Variants in MAD1L1 observed in about 807,000 individuals in gnomAD.
MAD1L1 encodes mitotic arrest deficient 1 like 1, also known as mitotic spindle assembly checkpoint protein MAD1.
Under a neutral mutation model 96.9 loss-of-function variants are expected in MAD1L1, and 95 were observed. That is an observed-to-expected ratio of 0.98 (90% CI 0.83 to 1.16). The LOEUF is 1.16. Ranked by LOEUF, MAD1L1 falls within the 50% of genes most tolerant of loss-of-function variation. The pLI is 0.00. For synonymous variants in MAD1L1, 473 were observed against 396.6 expected (o/e 1.19, Z -2.29); for missense variants, 1,007 against 954.4 (o/e 1.06, Z -0.73).
intron 18 of MAD1L1, among the ~76,000 whole-genome samples, chr7:1,862,321 G>A (rs1043889785): frequency 1.3e-5 from 2 of 152,224 alleles, no homozygotes; most frequent in Non-Finnish European, 2.9e-5. Context: ...GGGTCCCCTG[G>A]GAGGCAGAAG....
rs537319174 is a variant in MAD1L1, at chr7:2,110,681, A to G, written c.1073+38471T>C. ...ATCAAATTTTTCTTGCTGAAGAGCCATCATTTCAGACTATTAAGATGCTTT... is the reference window on the plus strand; with the variant it reads ...ATCAAATTTTTCTTGCTGAAGAGCCGTCATTTCAGACTATTAAGATGCTTT... On this transcript the variant is annotated intron_variant, in intron 11 of 18. Coordinates refer to ENST00000265854, the MANE Select transcript of MAD1L1 (RefSeq NM_001013836.2). 1.3e-4 allele frequency among the ~76,000 whole-genome samples: 20 copies of G among 152,328 alleles called. No individual in the cohort carries two copies. In the South Asian group the frequency reaches 4.1e-3, roughly 32 times the overall value.
chr7:2,188,844 A>T (rs759300492), intron 10 of MAD1L1, among the ~76,000 whole-genome samples: 1 of 152,242 alleles, frequency 6.6e-6, no homozygotes. Context: ...AAATCTTGGT[A>T]AATTTTTAAA....
chr7:1,916,583 C>T (rs754839295), intron 17 of MAD1L1, among the ~76,000 whole-genome samples: 1 of 152,190 alleles, frequency 6.6e-6, no homozygotes, highest in African/African-American at 2.4e-5. Flanking sequence ...AAGGAAGGGA[C>T]TCGACTTAGC....
At chr7:1,910,230 G>C (rs1787928640) in intron 17 of MAD1L1, among the ~76,000 whole-genome samples, 1 of 152,150 alleles carries the variant, frequency 6.6e-6, no homozygotes. Flanking sequence ...TTCGGCAGCA[G>C]AGGCCCAGCG....
At chr7:1,853,961 A>G (rs2128642577) in intron 18 of MAD1L1, among the ~76,000 whole-genome samples, 1 of 152,290 alleles carries the variant, frequency 6.6e-6, no homozygotes, top group Non-Finnish European at 1.5e-5. Flanking sequence ...AGGCTAATAA[A>G]TGGCTTCTCC....
chr7:1,965,181 G>T (rs879942152), intron 15 of MAD1L1, among the ~76,000 whole-genome samples: 1 of 152,224 alleles, frequency 6.6e-6, no homozygotes, highest in Admixed American at 6.5e-5. Flanking sequence ...CTGGCGAGTG[G>T]GGTACGTAGG....
At chr7:1,856,774 C>T (rs374116383) in intron 18 of MAD1L1, among the ~76,000 whole-genome samples, 1 of 152,278 alleles carries the variant, frequency 6.6e-6, no homozygotes, top group East Asian at 1.9e-4. Flanking sequence ...CTCCACGTTC[C>T]ACACGTAACC....
chr7:1,977,203 G>C (rs112969053), intron 15 of MAD1L1, among the ~76,000 whole-genome samples: 1 of 152,252 alleles, frequency 6.6e-6, no homozygotes, highest in Non-Finnish European at 1.5e-5. Context: ...GGGAGCCCAC[G>C]GCTGGGGGTG....
chr7:2,095,163 C>T (rs1786419490), intron 11 of MAD1L1, among the ~76,000 whole-genome samples: 1 of 152,150 alleles, frequency 6.6e-6, no homozygotes, highest in African/African-American at 2.4e-5. Flanking sequence ...CTGCCTCAGC[C>T]TCCCAAGTAG....
At chr7:2,051,942 G>T (rs1279306654) in intron 12 of MAD1L1, among the ~76,000 whole-genome samples, 1 of 152,074 alleles carries the variant, frequency 6.6e-6, no homozygotes, top group Non-Finnish European at 1.5e-5. Flanking sequence ...CTTTTGTTAG[G>T]AGTACTCCAA....
chr7:1,893,729 C>T (rs918270737), intron 18 of MAD1L1, among the ~76,000 whole-genome samples: 2 of 152,218 alleles, frequency 1.3e-5, no homozygotes, highest in African/African-American at 4.8e-5. Flanking sequence ...ACCCAGACCA[C>T]ATTCCTCATG....
At chr7:1,894,432 G>A (rs962787450) in intron 18 of MAD1L1, among the ~76,000 whole-genome samples, 2 of 152,178 alleles carry the variant, frequency 1.3e-5, no homozygotes, top group African/African-American at 4.8e-5. Flanking sequence ...TGCACCGTGG[G>A]CTGGAGCTGA....
chr7:2,176,277 G>A (rs1216536827), intron 10 of MAD1L1, among the ~76,000 whole-genome samples: 1 of 152,184 alleles, frequency 6.6e-6, no homozygotes, highest in Non-Finnish European at 1.5e-5. Context: ...GAACCTGGGA[G>A]GCAGAGGTTT....
chr7:2,214,284 A>G (rs1026239215), intron 9 of MAD1L1, among the ~76,000 whole-genome samples: 2 of 152,026 alleles, frequency 1.3e-5, no homozygotes, highest in African/African-American at 4.8e-5. Context: ...AATAAATTAC[A>G]CCGCGGGAGA....
At chr7:1,897,078 C>T (rs1001949562) in intron 18 of MAD1L1, among the ~76,000 whole-genome samples, 2 of 152,182 alleles carry the variant, frequency 1.3e-5, no homozygotes, top group Non-Finnish European at 2.9e-5. Context: ...CCACAAGGAA[C>T]GCAGAGCAAG....
rs548212671 is a variant in MAD1L1, at chr7:2,103,146, G to A, written c.1074-33808C>T. ...GCTTGCTGCTGCCTCTGCCTGGAAC[G>A]GGCTCTCTCCCCTGCCCCTGCACCC... On this transcript the variant is annotated intron_variant, in intron 11 of 18. Coordinates refer to ENST00000265854, the MANE Select transcript of MAD1L1 (RefSeq NM_001013836.2). The surrounding 1 kb of genome is among the most constrained non-coding windows in gnomAD (Gnocchi z 4.3). Among the ~76,000 whole-genome samples, 2 of 152,218 alleles carry A rather than the reference G, an allele frequency of 1.3e-5. No individual in the cohort carries two copies. The highest frequency in any genetic ancestry group is 2.1e-4 in the South Asian group (1 of 4,814).
chr7:2,150,068 G>A (rs1042378114), intron 10 of MAD1L1, among the ~76,000 whole-genome samples: 2 of 152,158 alleles, frequency 1.3e-5, no homozygotes, highest in Non-Finnish European at 2.9e-5. Context: ...GAAAGCAGGC[G>A]CTGGCAATGC....
chr7:1,876,143 G>A (rs1307586712), intron 18 of MAD1L1, among the ~76,000 whole-genome samples: 1 of 152,170 alleles, frequency 6.6e-6, no homozygotes, highest in Non-Finnish European at 1.5e-5. Flanking sequence ...TCTTATTTTG[G>A]TGAACTAGCC....
intron 11 of MAD1L1, among the ~76,000 whole-genome samples, chr7:2,096,642 C>A (rs1417552458): frequency 6.6e-6 from 1 of 152,188 alleles, no homozygotes; most frequent in Non-Finnish European, 1.5e-5. Context: ...CCCTACAGCT[C>A]CTCGGCAGAG....
Sources: gnomAD v4.1 joint callset for allele counts (sites outside exome capture counted in the v4.1 genomes callset) on GRCh38, gnomAD v4.1.1 for gene constraint, Gnocchi (gnomAD v3.1) non-coding constraint, MANE v1.5 for transcripts, NCBI Gene and HGNC (gene_info 2026-07-23, HGNC 2026-07-21) for gene names.